Variants in DYNC2LI1 observed in about 807,000 individuals in gnomAD.
The protein encoded by DYNC2LI1 is dynein cytoplasmic 2 light intermediate chain 1.
DYNC2LI1 carries 45 observed loss-of-function variants against 51.9 expected under a neutral mutation model. That is an observed-to-expected ratio of 0.87 (90% CI 0.68 to 1.11). The LOEUF (loss-of-function observed/expected upper bound fraction) is 1.11. Ranked by LOEUF, DYNC2LI1 falls within the 50% of genes most tolerant of loss-of-function variation. The probability of loss-of-function intolerance (pLI) is 0.00; values close to 1 mark genes in which losing one functional copy is unlikely to be tolerated. For synonymous variants in DYNC2LI1, 130 were observed against 137.8 expected, an observed-to-expected ratio of 0.94 and a Z score of 0.40; for missense variants, 490 against 417.4, an observed-to-expected ratio of 1.17 and a Z score of -1.51.
chr2:43,806,552 C>G (rs1047401604), intron 12 of DYNC2LI1, among the ~76,000 whole-genome samples: 1 of 152,128 alleles, frequency 6.6e-6, no homozygotes, highest in African/African-American at 2.4e-5. Flanking sequence ...TTATGTAACC[C>G]TTATTATGTT....
chr2:43,797,626 T>G (rs925518797), intron 8 of DYNC2LI1, among the ~76,000 whole-genome samples: 16 of 151,496 alleles, frequency 1.1e-4, no homozygotes, highest in Admixed American at 1.1e-3. Context: ...TTCAAGTGAT[T>G]CTCCTGCCTC....
the DYNC2LI1 span, among the ~76,000 whole-genome samples, chr2:43,816,748 T>C: frequency 6.6e-6 from 1 of 152,226 alleles, no homozygotes; most frequent in Admixed American, 6.5e-5. Flanking sequence ...AAAGTATGCA[T>C]ATTTTATATC....
At chr2:43,799,805 A>G (rs1666016808) in intron 8 of DYNC2LI1, among the ~76,000 whole-genome samples, 1 of 152,238 alleles carries the variant, frequency 6.6e-6, no homozygotes, top group South Asian at 2.1e-4. Context: ...CAGAGCAGTT[A>G]TATTTCTAAA....
At chr2:43,801,537 A>G (rs1666077117) in intron 9 of DYNC2LI1, 102 bp from the exon 10 acceptor site, 2 of 778,064 alleles carry the variant, frequency 2.6e-6, no homozygotes, top group East Asian at 5.2e-5. Flanking sequence ...ATTAGTGGCT[A>G]AATGTAAAAC....
At position 43,781,385 on chromosome 2, in the gene DYNC2LI1, G is replaced by C. The variant is rs568649487; in HGVS notation, c.127-2135G>C. On this transcript the variant is annotated intron_variant, in intron 2 of 12. Coordinates refer to ENST00000260605, the MANE Select transcript of DYNC2LI1 (RefSeq NM_016008.4). Reference sequence around the variant, plus strand: ...CTGTCTCAAAAAAAAAAACAAAAAAGGCGAGGGGGAGTGATTTAAATCAAT... The same window carrying C: ...CTGTCTCAAAAAAAAAAACAAAAAACGCGAGGGGGAGTGATTTAAATCAAT... 2.0e-5 allele frequency among the ~76,000 whole-genome samples: 3 copies of C among 151,280 alleles called. No individual in the cohort carries two copies. In the East Asian group the frequency reaches 5.8e-4, roughly 29 times the overall value.
chr2:43,804,752 A>T lies in DYNC2LI1; in HGVS notation c.900+13A>T. 1 of 1,564,096 alleles carries T rather than the reference A, an allele frequency of 6.4e-7. No homozygotes were observed. Among genetic ancestry groups the T allele is most frequent in the Non-Finnish European group, 8.7e-7 (1 of 1,149,908 alleles). ...CTTTCCACCAAAGGTACATATTTCT[A>T]ATTTTTTTAAAAGCAAGACTTTTAG... is the stretch of plus-strand genomic sequence containing the variant. On this transcript the variant is annotated intron_variant, in intron 11 of 12. Coordinates refer to ENST00000260605, the MANE Select transcript of DYNC2LI1 (RefSeq NM_016008.4).
Position 43,809,892 on chromosome 2 carries a change from G to T in DYNC2LI1, c.*125G>T. 2 of 1,423,380 alleles carry T rather than the reference G, an allele frequency of 1.4e-6. No individual in the cohort carries two copies. The highest frequency in any genetic ancestry group is 2.7e-5 in the East Asian group (1 of 37,724). 88.2% of individuals were successfully genotyped at this position (1,423,380 alleles called of 1,614,324 possible). On this transcript the variant is annotated 3_prime_UTR_variant, in exon 13 of 13. Coordinates refer to ENST00000260605, the MANE Select transcript of DYNC2LI1 (RefSeq NM_016008.4). Reference sequence around the variant, plus strand: ...TGTATAATTTGTTAAAGGACAAGCTGGATTTCTTGGACTAGTGCATCTCCC... The same window carrying T: ...TGTATAATTTGTTAAAGGACAAGCTTGATTTCTTGGACTAGTGCATCTCCC...
chr2:43,815,178 A>G, the DYNC2LI1 span, among the ~76,000 whole-genome samples: 20,701 of 152,210 alleles, frequency 0.14, 1,895 homozygotes, highest in African/African-American at 0.24. Context: ...GAGAGACCGA[A>G]CCAACATTCA....
chr2:43,794,825 A>T, intron 6 of DYNC2LI1, 182 bp downstream of exon 6: 1 of 1,457,086 alleles, frequency 6.9e-7, no homozygotes, highest in Non-Finnish European at 9.0e-7. Context: ...ACAAGGAAGA[A>T]GATTCCTTAT....
intron 1 of DYNC2LI1, 47 bp downstream of exon 1, chr2:43,774,193 C>G (rs530365187): frequency 6.2e-7 from 1 of 1,610,804 alleles, no homozygotes; most frequent in East Asian, 2.2e-5. Context: ...TGAGAGTATT[C>G]CTGGAGAGAG....
intron 5 of DYNC2LI1, chr2:43,792,591 A>G (rs987602018): frequency 7.3e-7 from 1 of 1,363,820 alleles, no homozygotes; most frequent in African/African-American, 1.5e-5. Flanking sequence ...TATTCTCATC[A>G]CCATACATCT....
At chr2:43,793,787 T>A (rs1673904778) in intron 5 of DYNC2LI1, 1 of 152,176 alleles carries the variant, frequency 6.6e-6, no homozygotes, top group African/African-American at 2.4e-5. Flanking sequence ...TTGCCGAGTC[T>A]AGGTTTATGT....
chr2:43,781,157 A>G (rs1400706120), intron 2 of DYNC2LI1, among the ~76,000 whole-genome samples: 1 of 152,168 alleles, frequency 6.6e-6, no homozygotes, highest in Non-Finnish European at 1.5e-5. Flanking sequence ...ACTTGAGGCC[A>G]GGAGTTCAAG....
intron 5 of DYNC2LI1, chr2:43,792,695 C>T (rs1673848206): frequency 2.6e-6 from 4 of 1,548,304 alleles, no homozygotes; most frequent in Admixed American, 3.9e-5. Context: ...ACTATCATCC[C>T]TACTGCCTGT....
intron 8 of DYNC2LI1, 40 bp downstream of exon 8, chr2:43,796,835 A>G: frequency 6.5e-7 from 1 of 1,549,188 alleles, no homozygotes; most frequent in Non-Finnish European, 8.9e-7. Context: ...AATGGACAGT[A>G]CCAAATTTGG....
rs115831320 is a variant in DYNC2LI1, at chr2:43,795,896, G to A, written c.514G>A (p.Glu172Lys). The A allele has an allele frequency of 7.5e-4, 1,214 of 1,611,856 alleles. 13 individuals carry two copies. In the South Asian group the frequency reaches 0.012, roughly 17 times the overall value. ...NNMPKDHPDH[E>K]LIDPFPVPLV... ...GAAATATGTTTATTAGCAGGATCATGAATTAATTGACCCATTTCCGGTACC... is the reference window on the plus strand; with the variant it reads ...GAAATATGTTTATTAGCAGGATCATAAATTAATTGACCCATTTCCGGTACC... Residue 172 changes from glutamate to lysine, a missense_variant, in exon 7 of 13, where the codon GAA (glutamate) becomes AAA (lysine). Transcript: ENST00000260605.
intron 2 of DYNC2LI1, among the ~76,000 whole-genome samples, chr2:43,780,280 A>G (rs912102773): frequency 2.0e-4 from 30 of 152,294 alleles, no homozygotes; most frequent in Non-Finnish European, 4.0e-4. Context: ...GCAGAAGCAG[A>G]GTGAGGGAAA....
the DYNC2LI1 span, chr2:43,823,856 TGGAGAAG>T: frequency 6.3e-7 from 1 of 1,584,132 alleles, no homozygotes; most frequent in East Asian, 2.2e-5. Flanking sequence ...AGGTTACAGC[TGGAGAAG>T]GGAGGTATTT....
chr2:43,809,986 AG>A lies in DYNC2LI1; in HGVS notation c.*220del. 8.1e-7 allele frequency: 1 copy of A among 1,229,268 alleles called. No individual in the cohort carries two copies. Among genetic ancestry groups the A allele is most frequent in the Non-Finnish European group, 1.0e-6 (1 of 960,684 alleles). The allele number at this position is 1,229,268 out of a possible 1,614,324, so 76.1% of individuals were successfully genotyped here. On this transcript the variant is annotated 3_prime_UTR_variant, in exon 13 of 13. Coordinates refer to ENST00000260605, the MANE Select transcript of DYNC2LI1 (RefSeq NM_016008.4). ...CACGTGTAATTTTTTTTAAAATAAA[AG>A]AATCTTCTACTACCTACCTCTAACA...
Sources: gnomAD v4.1 joint callset for allele counts (sites outside exome capture counted in the v4.1 genomes callset) on GRCh38, gnomAD v4.1.1 for gene constraint, MANE v1.5 for transcripts, NCBI Gene and HGNC (gene_info 2026-07-23, HGNC 2026-07-21) for gene names.